ATG13: variants seen among roughly 807,000 people sequenced by gnomAD.
ATG13 encodes autophagy-related protein 13.
A neutral mutation model predicts 65.5 loss-of-function variants in ATG13; 23 were observed. The ratio of observed to expected loss-of-function variants is 0.35; its 90% CI spans 0.25 to 0.50. The LOEUF is 0.50. Among genes scored for constraint, ATG13 ranks in the 20% least tolerant of loss-of-function variants. ATG13 has a pLI of 0.98. For synonymous variants in ATG13, 252 were observed against 245.2 expected, an observed-to-expected ratio of 1.03 and a Z score of -0.26; for missense variants, 566 against 677.0, an observed-to-expected ratio of 0.84 and a Z score of 1.82.
chr11:46,638,040 C>A (rs192141694), intron 2 of ATG13, among the ~76,000 whole-genome samples: 2 of 152,086 alleles, frequency 1.3e-5, no homozygotes, highest in Non-Finnish European at 2.9e-5. Flanking sequence ...TTATGGGGTT[C>A]GTGTTTTGAT....
intron 10 of ATG13, among the ~76,000 whole-genome samples, chr11:46,659,151 G>C (rs1449739661): frequency 6.6e-6 from 1 of 152,158 alleles, no homozygotes; most frequent in African/African-American, 2.4e-5. Flanking sequence ...CTCTAGCCTG[G>C]GTGACAGAGT....
chr11:46,648,106 C>G (rs894543134), intron 5 of ATG13, among the ~76,000 whole-genome samples: 8 of 150,620 alleles, frequency 5.3e-5, no homozygotes, highest in Admixed American at 4.0e-4. Flanking sequence ...AACCCCACCC[C>G]CCCCAGCACT....
At position 46,650,327 on chromosome 11, in the gene ATG13, A is replaced by G. The variant is rs1487111502; in HGVS notation, c.458+10A>G. On this transcript the variant is annotated intron_variant, in intron 7 of 18. Coordinates refer to ENST00000683050, the MANE Select transcript of ATG13 (RefSeq NM_001346311.2). ...ATGTCATATTATACAGGTAAACAGC[A>G]TAGATGGTCATCTTGATTCACTCAT... 2 of 1,608,032 alleles carry G rather than the reference A, an allele frequency of 1.2e-6. No individual in the cohort carries two copies. Among genetic ancestry groups the G allele is most frequent in the South Asian group, 2.2e-5 (2 of 90,894 alleles).
At chr11:46,625,637 A>G (rs1263792034) in intron 1 of ATG13, among the ~76,000 whole-genome samples, 2 of 152,128 alleles carry the variant, frequency 1.3e-5, no homozygotes, top group East Asian at 3.9e-4. Context: ...ATTCTGGCAA[A>G]ACAGGTTATG....
At chr11:46,655,731 T>A (rs984968654) in intron 7 of ATG13, among the ~76,000 whole-genome samples, 1 of 152,276 alleles carries the variant, frequency 6.6e-6, no homozygotes, top group African/African-American at 2.4e-5. Flanking sequence ...TCCACTTAAT[T>A]ATTATTTTCC....
chr11:46,652,766 G>C (rs2059178766), intron 7 of ATG13, among the ~76,000 whole-genome samples: 1 of 152,118 alleles, frequency 6.6e-6, no homozygotes, highest in African/African-American at 2.4e-5. Context: ...CACTGTATCA[G>C]TATTTACATG....
chr11:46,660,566 G>A (rs1458610198), intron 11 of ATG13, among the ~76,000 whole-genome samples: 5 of 151,570 alleles, frequency 3.3e-5, no homozygotes, highest in Admixed American at 6.6e-5. Flanking sequence ...CCGCCACCAC[G>A]CCTGGCTAAT....
intron 4 of ATG13, 24 bp downstream of exon 4, chr11:46,645,443 G>T (rs557821529): frequency 6.3e-7 from 1 of 1,589,428 alleles, no homozygotes; most frequent in Admixed American, 1.7e-5. Flanking sequence ...ATTTACTAAG[G>T]TGTATACTGT....
At chr11:46,662,346 A>G (rs2061380726) in intron 11 of ATG13, among the ~76,000 whole-genome samples, 2 of 152,252 alleles carry the variant, frequency 1.3e-5, no homozygotes, top group African/African-American at 4.8e-5. Flanking sequence ...CTTGCGAGAT[A>G]TGAGGGATGG....
At chr11:46,646,428 G>A (rs2057560418) in intron 5 of ATG13, among the ~76,000 whole-genome samples, 1 of 151,318 alleles carries the variant, frequency 6.6e-6, no homozygotes, top group Non-Finnish European at 1.5e-5. Flanking sequence ...GATTACAAGG[G>A]TGAGCCACTG....
intron 10 of ATG13, among the ~76,000 whole-genome samples, chr11:46,658,420 G>A (rs192309256): frequency 6.6e-6 from 1 of 152,262 alleles, no homozygotes; most frequent in African/African-American, 2.4e-5. Context: ...CTCAGACCAG[G>A]CATGGTGGCT....
At chr11:46,629,152 A>G in intron 1 of ATG13, among the ~76,000 whole-genome samples, 1 of 151,856 alleles carries the variant, frequency 6.6e-6, no homozygotes, top group East Asian at 1.9e-4. Context: ...CATGTGGGCT[A>G]GGCTGGTCTT....
At chr11:46,659,555 C>A in intron 11 of ATG13, 70 bp downstream of exon 11, 1 of 1,287,142 alleles carries the variant, frequency 7.8e-7, no homozygotes, top group Non-Finnish European at 1.1e-6. Context: ...AAATGGTGTC[C>A]AAATTTAGCT....
At chr11:46,635,533 G>A (rs894127548) in intron 2 of ATG13, among the ~76,000 whole-genome samples, 1 of 152,252 alleles carries the variant, frequency 6.6e-6, no homozygotes, top group Admixed American at 6.5e-5. Context: ...ATAGTTAATA[G>A]CAAAGGGCAG....
chr11:46,656,200 CA>C, intron 7 of ATG13, 32 bp from the exon 8 acceptor site: 1 of 1,598,344 alleles, frequency 6.3e-7, no homozygotes, highest in East Asian at 2.2e-5. Context: ...AGTAAAGAAT[CA>C]GGTAACATTT....
At chr11:46,638,996 A>AT (rs527655119) in intron 2 of ATG13, among the ~76,000 whole-genome samples, 1,751 of 146,376 alleles carry the variant, frequency 0.012, 18 homozygotes, top group Non-Finnish European at 0.017. Context: ...TTATTTATTT[A>AT]TTTTTTTTTG....
chr11:46,646,181 A>T (rs1217536422), intron 5 of ATG13, among the ~76,000 whole-genome samples, 192 bp downstream of exon 5: 1 of 151,852 alleles, frequency 6.6e-6, no homozygotes, highest in African/African-American at 2.4e-5. Context: ...CTGAGTCTCG[A>T]TCTGTCGCCC....
intron 1 of ATG13, among the ~76,000 whole-genome samples, chr11:46,622,382 GCTGGGATTACAGGCGTGAGCCACCGCAC>G (rs1449780817): frequency 1.3e-5 from 2 of 151,830 alleles, no homozygotes; most frequent in African/African-American, 4.8e-5. Context: ...CTCCCAAAGT[GCTGGGATTACAGGCGTGAGCCACCGCAC>G]CTGGCCAAGA....
chr11:46,656,018 G>GCCTTATTTT (rs1216277265), intron 7 of ATG13, among the ~76,000 whole-genome samples: 4 of 152,174 alleles, frequency 2.6e-5, no homozygotes, highest in African/African-American at 9.7e-5. Flanking sequence ...ACTGTGCCTG[G>GCCTTATTTT]CCTTATTTTC....
Sources: allele counts gnomAD v4.1 joint callset (sites outside exome capture counted in the v4.1 genomes callset), GRCh38; gene constraint gnomAD v4.1.1; transcripts MANE v1.5; gene names NCBI Gene and HGNC (gene_info 2026-07-23, HGNC 2026-07-21).